Variants in FAM234A observed in about 807,000 individuals in gnomAD.
FAM234A encodes protein FAM234A.
FAM234A carries 42 observed loss-of-function variants against 49.1 expected under a neutral mutation model. That is an observed-to-expected ratio of 0.86 (90% CI 0.67 to 1.11). FAM234A has a LOEUF of 1.11. FAM234A is among the 50% of genes least tolerant of loss of function. The probability of loss-of-function intolerance (pLI) is 0.00; values close to 1 mark genes in which losing one functional copy is unlikely to be tolerated. For synonymous variants in FAM234A, 369 were observed against 316.2 expected, an observed-to-expected ratio of 1.17 and a Z score of -1.77; for missense variants, 815 against 745.2, an observed-to-expected ratio of 1.09 and a Z score of -1.09.
intron 1 of FAM234A, among the ~76,000 whole-genome samples, chr16:237,042 C>G (rs921868483): frequency 6.6e-6 from 1 of 151,808 alleles, no homozygotes; most frequent in Non-Finnish European, 1.5e-5. Flanking sequence ...GTGTGAGCCA[C>G]TGCGCCCAGC....
Position 259,952 on chromosome 16 carries a change from G to A in FAM234A, c.386-17G>A, listed in dbSNP as rs371708242. On this transcript the variant is annotated splice_polypyrimidine_tract_variant and intron_variant, in intron 4 of 12. Coordinates refer to ENST00000399932, the MANE Select transcript of FAM234A (RefSeq NM_032039.4). ...CCAGATGGTGCAACAGTGAGGTGCC[G>A]GTGTCTCTCCCTACAGGCTTTTCCT... 9 of 1,607,500 alleles carry A rather than the reference G, an allele frequency of 5.6e-6. No homozygotes were observed. The highest frequency in any genetic ancestry group is 6.8e-6 in the Non-Finnish European group (8 of 1,176,538).
intron 1 of FAM234A, among the ~76,000 whole-genome samples, chr16:241,007 C>G (rs1229381620): frequency 6.6e-6 from 1 of 151,854 alleles, no homozygotes; most frequent in Non-Finnish European, 1.5e-5. Context: ...GGTGTGATCT[C>G]CGCTCACCTC....
intron 1 of FAM234A, among the ~76,000 whole-genome samples, chr16:237,016 A>G (rs968574786): frequency 4.0e-5 from 6 of 151,822 alleles, no homozygotes; most frequent in African/African-American, 1.5e-4. Flanking sequence ...GGCCTCCTGA[A>G]GTGCTGGAAT....
At chr16:261,678 C>G (rs2051473309) in intron 6 of FAM234A, among the ~76,000 whole-genome samples, 164 bp downstream of exon 6, 1 of 152,250 alleles carries the variant, frequency 6.6e-6, no homozygotes, top group African/African-American at 2.4e-5. Context: ...ACCCAGCATA[C>G]TCAGGGGGCT....
chr16:240,123 TTGG>T (rs1011866634), intron 1 of FAM234A: 12 of 152,212 alleles, frequency 7.9e-5, no homozygotes, highest in Non-Finnish European at 1.8e-4. Flanking sequence ...CAGCGTGTTC[TTGG>T]TGGTGACACA....
Position 259,955 on chromosome 16 carries a change from GTC to G in FAM234A, c.386-9_386-8del, listed in dbSNP as rs770608676. 6.2e-7 allele frequency: 1 copy of G among 1,609,278 alleles called. No homozygotes were observed. The highest frequency in any genetic ancestry group is 1.1e-5 in the South Asian group (1 of 90,980). On this transcript the variant is annotated splice_polypyrimidine_tract_variant and intron_variant, in intron 4 of 12. Transcript: ENST00000399932. Reference sequence around the variant, plus strand: ...GATGGTGCAACAGTGAGGTGCCGGTGTCTCTCCCTACAGGCTTTTCCTCTCCC... The same window carrying G: ...GATGGTGCAACAGTGAGGTGCCGGTGTCTCCCTACAGGCTTTTCCTCTCCC...
intron 5 of FAM234A, chr16:260,473 T>A (rs752053859): frequency 4.0e-6 from 2 of 495,782 alleles, no homozygotes; most frequent in South Asian, 3.3e-5. Context: ...GGCCCCCGGC[T>A]GCTCCTGGGG....
chr16:269,346 G>A (rs1288752083), downstream of FAM234A: 2 of 1,603,726 alleles, frequency 1.2e-6, no homozygotes, highest in Admixed American at 1.7e-5. Context: ...GCAGGGCTGG[G>A]GCTCGAGTGC....
rs1484383338 is a variant in FAM234A, at chr16:265,921, C to T, written c.*899C>T. ...GTGCTCACACGCCCACGCCGTGCCA[C>T]CCGATGCAGGACTCACCTCTGTGCC... is the stretch of plus-strand genomic sequence containing the variant. On this transcript the variant is annotated 3_prime_UTR_variant, in exon 13 of 13. Transcript: ENST00000399932. The T allele has an allele frequency of 2.1e-5, 21 of 986,288 alleles. No homozygotes were observed. Among genetic ancestry groups the T allele is most frequent in the African/African-American group, 3.5e-5 (2 of 57,250 alleles). The allele number at this position is 986,288 out of a possible 1,614,324, so 61.1% of individuals were successfully genotyped here.
intron 3 of FAM234A, among the ~76,000 whole-genome samples, 193 bp from the exon 4 acceptor site, chr16:259,290 C>T (rs2051360932): frequency 6.6e-6 from 1 of 152,112 alleles, no homozygotes; most frequent in Admixed American, 6.6e-5. Context: ...AAGGTTAACA[C>T]TAGGCATTGT....
downstream of FAM234A, chr16:269,640 G>A: frequency 2.2e-6 from 3 of 1,356,806 alleles, no homozygotes; most frequent in South Asian, 3.5e-5. Flanking sequence ...CTCTCAGCCA[G>A]CTCCACCCGA....
In FAM234A at chr16:251,147, T is replaced by C. The variant is rs533730756; in HGVS notation, c.-34+1493T>C. 3.8e-4 allele frequency among the ~76,000 whole-genome samples: 58 copies of C among 152,196 alleles called. 2 individuals are homozygous for C. Among genetic ancestry groups the C allele is most frequent in the Admixed American group, 2.8e-3 (43 of 15,296 alleles). Reference sequence around the variant, plus strand: ...AGTTTTTTTGTATTTTTAGTAGAGATGGCTTTCACCATATTGGCCAGGCTG... The same window carrying C: ...AGTTTTTTTGTATTTTTAGTAGAGACGGCTTTCACCATATTGGCCAGGCTG... On this transcript the variant is annotated intron_variant, in intron 2 of 12. Transcript: ENST00000399932.
At chr16:257,349 G>T (rs1413872312) in intron 3 of FAM234A, among the ~76,000 whole-genome samples, 1 of 146,416 alleles carries the variant, frequency 6.8e-6, no homozygotes, top group African/African-American at 2.5e-5. Context: ...GGGTTCAAGC[G>T]ATTCTCCTGC....
At chr16:268,660 G>A (rs889083926), downstream of FAM234A, 17 of 1,070,688 alleles carry the variant, frequency 1.6e-5, no homozygotes, top group Admixed American at 1.3e-4. Flanking sequence ...AGCAGGTGCC[G>A]GCGCACCTGT....
chr16:263,863 G>T, intron 10 of FAM234A, 88 bp downstream of exon 10: 3 of 1,409,540 alleles, frequency 2.1e-6, no homozygotes, highest in East Asian at 2.3e-5. Flanking sequence ...GGCCCAGGAG[G>T]CTGCTGCCGT....
At chr16:243,073 T>G in intron 1 of FAM234A, among the ~76,000 whole-genome samples, 1 of 151,662 alleles carries the variant, frequency 6.6e-6, no homozygotes, top group East Asian at 1.9e-4. Flanking sequence ...CTCAACCTCT[T>G]GGGCTCAAGC....
At chr16:268,622 G>A, downstream of FAM234A, 1 of 692,306 alleles carries the variant, frequency 1.4e-6, no homozygotes, top group Non-Finnish European at 2.5e-6. Flanking sequence ...TATAAATCGG[G>A]GGGGAGGCCG....
intron 2 of FAM234A, among the ~76,000 whole-genome samples, chr16:250,071 A>G (rs778730719): frequency 5.3e-5 from 8 of 152,038 alleles, no homozygotes; most frequent in Admixed American, 3.3e-4. Flanking sequence ...GCAGCCTCCT[A>G]TAGGCGCATG....
chr16:254,275 G>C (rs1321624611), intron 2 of FAM234A, 106 bp from the exon 3 acceptor site: 2 of 841,396 alleles, frequency 2.4e-6, no homozygotes, highest in Admixed American at 2.3e-5. Flanking sequence ...CCCATAGTTA[G>C]AGCTGCAGCC....
Sources: gnomAD v4.1 joint callset for allele counts (sites outside exome capture counted in the v4.1 genomes callset) on GRCh38, gnomAD v4.1.1 for gene constraint, MANE v1.5 for transcripts, NCBI Gene and HGNC (gene_info 2026-07-23, HGNC 2026-07-21) for gene names.